The following DPYSL2 variants were observed in gnomAD, a reference collection of about 807,000 sequenced individuals.
The protein encoded by DPYSL2 is dihydropyrimidinase like 2, also known as dihydropyrimidinase-related protein 2.
DPYSL2 carries 13 observed loss-of-function variants against 69.9 expected under a neutral mutation model. The observed-to-expected ratio is 0.19, with a 90% CI of 0.12 to 0.30. The LOEUF (loss-of-function observed/expected upper bound fraction) is 0.30. DPYSL2 is among the 10% of genes least tolerant of loss of function. The probability of loss-of-function intolerance (pLI) is 1.00; values close to 1 mark genes in which losing one functional copy is unlikely to be tolerated. For missense variants in DPYSL2, 587 were observed against 918.9 expected (o/e 0.64, Z 4.67); for synonymous variants, 326 against 359.1 (o/e 0.91, Z 1.04).
chr8:26,614,999 C>A lies in DPYSL2; in HGVS notation c.629-9144C>A, dbSNP rs1802313490. On this transcript the variant is annotated intron_variant, in intron 3 of 13. Transcript: ENST00000521913. The surrounding 1 kb of genome is among the most constrained non-coding windows in gnomAD (Gnocchi z 4.9). ...TTCCAGCTCTGCCAGTCAGTGGCTG[C>A]ACTGGCCAAGGCCACGTGGTTGACC... is the stretch of plus-strand genomic sequence containing the variant. Among the ~76,000 whole-genome samples the A allele has an allele frequency of 6.6e-6, 1 of 152,252 alleles. No individual in the cohort carries two copies. Among genetic ancestry groups the A allele is most frequent in the Non-Finnish European group, 1.5e-5 (1 of 68,046 alleles).
At chr8:26,583,676 A>G in intron 2 of DPYSL2, 123 bp from the exon 3 acceptor site, 1 of 862,808 alleles carries the variant, frequency 1.2e-6, no homozygotes, top group Non-Finnish European at 1.8e-6. Flanking sequence ...GAATCGTAAC[A>G]ATGATCTGAA....
rs1489405626 is a variant in DPYSL2, at chr8:26,653,283, G to A, written c.1828G>A (p.Glu610Lys). The stretch of plus-strand genomic sequence containing the variant: ...TGGCCTGTATGACGGACCTGTGTGT[G>A]AAGTGTCTGTGACGCCCAAGACAGT... ...PRGLYDGPVC[E>K]VSVTPKTVTP... Residue 610 changes from glutamate to lysine, a missense_variant, in exon 13 of 14, where the codon GAA becomes AAA. Physicochemically the swap from Glu to Lys is moderately conservative, Grantham distance 56 (BLOSUM62 1). Transcript: ENST00000521913. The surrounding 1 kb of genome is among the most constrained non-coding windows in gnomAD (Gnocchi z 5.7). 6.2e-7 allele frequency: 1 copy of A among 1,614,056 alleles called. No individual in the cohort carries two copies. Among genetic ancestry groups the A allele is most frequent in the African/African-American group, 1.3e-5 (1 of 74,902 alleles).
chr8:26,579,974 T>TA (rs2129725545), intron 1 of DPYSL2, among the ~76,000 whole-genome samples: 1 of 139,258 alleles, frequency 7.2e-6, no homozygotes, highest in Admixed American at 7.3e-5. Flanking sequence ...CCACACCCTT[T>TA]AAAAAATCTG....
chr8:26,612,548 T>G (rs957414398), intron 3 of DPYSL2, among the ~76,000 whole-genome samples: 2 of 152,138 alleles, frequency 1.3e-5, no homozygotes, highest in Non-Finnish European at 2.9e-5. Context: ...AGAAAAAAAC[T>G]CCATGATTAA....
chr8:26,635,158 C>T (rs1194428791), intron 8 of DPYSL2, among the ~76,000 whole-genome samples: 1 of 152,248 alleles, frequency 6.6e-6, no homozygotes, highest in African/African-American at 2.4e-5. Context: ...GTCCCCCAGC[C>T]CCCGTGCAAG....
intron 1 of DPYSL2, chr8:26,577,026 T>G: frequency 2.9e-6 from 1 of 343,548 alleles, no homozygotes; most frequent in Non-Finnish European, 5.8e-6. Flanking sequence ...TGCTCCCCAT[T>G]CCTCCGCCCT....
chr8:26,538,618 A>T (rs1422308487), intron 1 of DPYSL2, among the ~76,000 whole-genome samples: 1 of 152,146 alleles, frequency 6.6e-6, no homozygotes, highest in Admixed American at 6.5e-5. Context: ...TTGAGGAAGG[A>T]GCTGCTATTA....
At position 26,619,591 on chromosome 8, in the gene DPYSL2, A is replaced by G. The variant is rs1471767336; in HGVS notation, c.629-4552A>G. The G allele has an allele frequency of 2.0e-5, 3 of 152,264 alleles. No homozygotes were observed. Among genetic ancestry groups the G allele is most frequent in the Admixed American group, 6.5e-5 (1 of 15,278 alleles). 9.4% of individuals were successfully genotyped at this position (152,264 alleles called of 1,614,324 possible). ...TTGGGAAAAGATTTGCACTCAGTTA[A>G]TGATGCTCAAGGTAGTTCAAGGCAG... On this transcript the variant is annotated intron_variant, in intron 3 of 13. Transcript: ENST00000521913. This position sits in a 1 kb window ranked among gnomAD's most constrained non-coding sequence, Gnocchi z 4.8.
At chr8:26,607,516 G>A (rs1036073511) in intron 3 of DPYSL2, among the ~76,000 whole-genome samples, 8 of 151,466 alleles carry the variant, frequency 5.3e-5, no homozygotes, top group Non-Finnish European at 8.8e-5. Flanking sequence ...GGGGCTGGGC[G>A]TGATGGCTCA....
At position 26,556,167 on chromosome 8, in the gene DPYSL2, C is replaced by CTATATATATTATATATACTA. The variant is rs1563384974; in HGVS notation, c.355-25794_355-25793insTTATATATACTATATATATA. On this transcript the variant is annotated intron_variant, in intron 1 of 13. Transcript: ENST00000521913. Reference sequence around the variant, plus strand: ...TAGTATATACTATATATAGTATATACTATATATAGTATATACTATATATAT... The same window carrying CTATATATATTATATATACTA: ...TAGTATATACTATATATAGTATATACTATATATATTATATATACTATATATATAGTATATACTATATATAT... Among the ~76,000 whole-genome samples, 3 of 16,668 alleles carry CTATATATATTATATATACTA rather than the reference C, an allele frequency of 1.8e-4. 1 individual carries two copies. Among genetic ancestry groups the CTATATATATTATATATACTA allele is most frequent in the Non-Finnish European group, 3.2e-4 (3 of 9,444 alleles). 10.9% of individuals were successfully genotyped at this position (16,668 alleles called of 152,430 possible). A position where few individuals can be genotyped will look rare whatever the true frequency, so the allele number is the denominator to read the frequency against.
chr8:26,602,182 G>A (rs921202573), intron 3 of DPYSL2, among the ~76,000 whole-genome samples: 1 of 147,640 alleles, frequency 6.8e-6, no homozygotes, highest in Non-Finnish European at 1.5e-5. Context: ...TGCTGCGAGA[G>A]TTTTTAGGAG....
intron 3 of DPYSL2, among the ~76,000 whole-genome samples, chr8:26,606,964 G>A (rs1802120634): frequency 6.6e-6 from 1 of 152,210 alleles, no homozygotes; most frequent in Non-Finnish European, 1.5e-5. Flanking sequence ...GCCCTTTCTG[G>A]AGGGTAATAA....
At chr8:26,602,656 G>A (rs778841458) in intron 3 of DPYSL2, among the ~76,000 whole-genome samples, 7 of 152,156 alleles carry the variant, frequency 4.6e-5, no homozygotes, top group African/African-American at 1.7e-4. Flanking sequence ...TCCTTCATCC[G>A]TTCATTTATT....
chr8:26,576,916 C>G, intron 1 of DPYSL2: 1 of 280,620 alleles, frequency 3.6e-6, no homozygotes, highest in South Asian at 2.6e-5. Context: ...GCGAAATGCG[C>G]TGCGCCCCCA....
intron 3 of DPYSL2, among the ~76,000 whole-genome samples, chr8:26,618,963 G>GA (rs1181929646): frequency 2.0e-5 from 3 of 151,210 alleles, no homozygotes; most frequent in Non-Finnish European, 4.4e-5. Flanking sequence ...CATCTCAAAA[G>GA]AAAAAAAAGA....
chr8:26,585,283 G>A lies in DPYSL2; in HGVS notation c.628+1300G>A, dbSNP rs1321139064. On this transcript the variant is annotated intron_variant, in intron 3 of 13. Transcript: ENST00000521913. This position sits in a 1 kb window ranked among gnomAD's most constrained non-coding sequence, Gnocchi z 4.0. ...TGGTCTTTTTGCTTGTGGCTTTGGGGTCTATCTGGAAGCTTCTTTTCTATC... is the reference window on the plus strand; with the variant it reads ...TGGTCTTTTTGCTTGTGGCTTTGGGATCTATCTGGAAGCTTCTTTTCTATC... 6.6e-6 allele frequency among the ~76,000 whole-genome samples: 1 copy of A among 152,070 alleles called. No individual in the cohort carries two copies. Among genetic ancestry groups the A allele is most frequent in the East Asian group, 1.9e-4 (1 of 5,192 alleles).
intron 1 of DPYSL2, among the ~76,000 whole-genome samples, chr8:26,538,160 C>T (rs1008787262): frequency 2.6e-5 from 4 of 152,102 alleles, no homozygotes; most frequent in African/African-American, 4.8e-5. Context: ...GCTGTCAGAT[C>T]GATTCACTGT....
chr8:26,571,735 A>T lies in DPYSL2; in HGVS notation c.355-10234A>T, dbSNP rs1220635531. On this transcript the variant is annotated intron_variant, in intron 1 of 13. Transcript: ENST00000521913. This position sits in a 1 kb window ranked among gnomAD's most constrained non-coding sequence, Gnocchi z 6.1. Reference sequence around the variant, plus strand: ...GCTGGCCGGCAGTCTGTACAGTTCTAGCCAAAGCAGCGTCTGTTTCGGAGG... The same window carrying T: ...GCTGGCCGGCAGTCTGTACAGTTCTTGCCAAAGCAGCGTCTGTTTCGGAGG... Among the ~76,000 whole-genome samples the T allele has an allele frequency of 6.6e-6, 1 of 152,094 alleles. No homozygotes were observed. Among genetic ancestry groups the T allele is most frequent in the Non-Finnish European group, 1.5e-5 (1 of 68,016 alleles).
intron 1 of DPYSL2, among the ~76,000 whole-genome samples, chr8:26,538,678 C>T (rs1800634692): frequency 6.6e-6 from 1 of 152,216 alleles, no homozygotes; most frequent in East Asian, 1.9e-4. Context: ...TCCTTCAGGG[C>T]CAAAGCCACT....
Sources: allele counts gnomAD v4.1 joint callset (sites outside exome capture counted in the v4.1 genomes callset), GRCh38; gene constraint gnomAD v4.1.1; non-coding constraint Gnocchi (gnomAD v3.1); transcripts MANE v1.5; gene names NCBI Gene and HGNC (gene_info 2026-07-23, HGNC 2026-07-21).